The following IQCH variants were observed in gnomAD, a reference collection of about 807,000 sequenced individuals.
The protein encoded by IQCH is IQ domain-containing protein H.
IQCH carries 98 observed loss-of-function variants against 117.0 expected under a neutral mutation model. That is an observed-to-expected ratio of 0.84 (90% CI 0.71 to 0.99). IQCH has a LOEUF of 0.99. IQCH is among the 50% of genes least tolerant of loss of function. The pLI is 0.00. For missense variants in IQCH, 1,102 were observed against 1,243.8 expected (o/e 0.89, Z 1.72); for synonymous variants, 412 against 448.2 (o/e 0.92, Z 1.02).
At chr15:67,280,111 T>C (rs1428082206) in intron 4 of IQCH, among the ~76,000 whole-genome samples, 2 of 152,278 alleles carry the variant, frequency 1.3e-5, no homozygotes, top group Non-Finnish European at 2.9e-5. Context: ...TTGCTTTGTG[T>C]TCTAAGTTAG....
At chr15:67,469,820 A>G (rs1203090455) in intron 17 of IQCH, among the ~76,000 whole-genome samples, 1 of 152,172 alleles carries the variant, frequency 6.6e-6, no homozygotes, top group Non-Finnish European at 1.5e-5. Context: ...AGGTTAAGAG[A>G]TGTTAAGCAA....
rs916882153 is a variant in IQCH at position 67,436,446 on chromosome 15, T to G, written c.2505+14869T>G. ...ACTGCATCCCCTAGCAGCCCATTTC[T>G]GCCTGGCACCACAGGGATCCATCAG... On this transcript the variant is annotated intron_variant, in intron 16 of 20. Transcript: ENST00000335894. The surrounding 1 kb of genome is among the most constrained non-coding windows in gnomAD (Gnocchi z 5.1). Among the ~76,000 whole-genome samples the G allele has an allele frequency of 6.6e-6, 1 of 152,192 alleles. No individual in the cohort carries two copies. Among genetic ancestry groups the G allele is most frequent in the African/African-American group, 2.4e-5 (1 of 41,456 alleles).
intron 4 of IQCH, among the ~76,000 whole-genome samples, chr15:67,298,924 G>A (rs986246190): frequency 3.3e-5 from 5 of 151,970 alleles, no homozygotes; most frequent in East Asian, 1.9e-4. Context: ...TCCCATTTCC[G>A]AAAGAAAGGA....
intron 16 of IQCH, among the ~76,000 whole-genome samples, chr15:67,444,875 A>G (rs2082358397): frequency 6.6e-6 from 1 of 152,212 alleles, no homozygotes; most frequent in Non-Finnish European, 1.5e-5. Context: ...TTAAATATAT[A>G]GGCAATTACT....
chr15:67,492,098 A>ACT (rs1271882981), intron 19 of IQCH, among the ~76,000 whole-genome samples: 1 of 152,142 alleles, frequency 6.6e-6, no homozygotes, highest in Non-Finnish European at 1.5e-5. Context: ...GGCCACCGGG[A>ACT]ATTACCGGGA....
rs1346524030 is a variant in IQCH, at chr15:67,387,704, A to G, written c.1457-1127A>G. On this transcript the variant is annotated intron_variant, in intron 11 of 20. Coordinates refer to ENST00000335894, the MANE Select transcript of IQCH (RefSeq NM_001031715.3). The surrounding 1 kb of genome is among the most constrained non-coding windows in gnomAD (Gnocchi z 4.8). Reference sequence around the variant, plus strand: ...TACTATGTGCCAGATGCTGCACCAGATACTTTCTATATCTTCACTCATTTA... The same window carrying G: ...TACTATGTGCCAGATGCTGCACCAGGTACTTTCTATATCTTCACTCATTTA... 6.6e-6 allele frequency among the ~76,000 whole-genome samples: 1 copy of G among 152,186 alleles called. No individual in the cohort carries two copies. The highest frequency in any genetic ancestry group is 1.5e-5 in the Non-Finnish European group (1 of 68,036).
chr15:67,348,552 G>T (rs969626196), intron 6 of IQCH, among the ~76,000 whole-genome samples: 3 of 152,050 alleles, frequency 2.0e-5, no homozygotes, highest in African/African-American at 7.2e-5. Flanking sequence ...TAGGTATAAA[G>T]CTAACAAATA....
At chr15:67,362,129 AACAT>A (rs1339506235) in intron 8 of IQCH, among the ~76,000 whole-genome samples, 2 of 129,398 alleles carry the variant, frequency 1.5e-5, no homozygotes, top group East Asian at 2.2e-4. Flanking sequence ...ATATATATAT[AACAT>A]ACATATACGC....
chr15:67,489,914 C>T, intron 18 of IQCH, 89 bp from the exon 19 acceptor site: 1 of 915,916 alleles, frequency 1.1e-6, no homozygotes, highest in Non-Finnish European at 1.8e-6. Flanking sequence ...TCAAATCAAT[C>T]TTAGTAGTCT....
chr15:67,496,789 C>T lies in IQCH; in HGVS notation c.2970+2423C>T, dbSNP rs1362862137. Among the ~76,000 whole-genome samples the T allele has an allele frequency of 2.6e-5, 4 of 151,624 alleles. No homozygotes were observed. The highest frequency in any genetic ancestry group is 6.6e-5 in the Admixed American group (1 of 15,208). On this transcript the variant is annotated intron_variant, in intron 20 of 20. Transcript: ENST00000335894. This position sits in a 1 kb window ranked among gnomAD's most constrained non-coding sequence, Gnocchi z 4.4. Reference sequence around the variant, plus strand: ...ATCCCAGCACTTTGGGAGGCCGAGGCTGGTGGATCATGAGGTCAGGAGATC... The same window carrying T: ...ATCCCAGCACTTTGGGAGGCCGAGGTTGGTGGATCATGAGGTCAGGAGATC...
intron 4 of IQCH, among the ~76,000 whole-genome samples, chr15:67,292,271 G>C: frequency 6.6e-6 from 1 of 152,038 alleles, no homozygotes; most frequent in South Asian, 2.1e-4. Context: ...CTTTTTTTGA[G>C]ACAGGGTATT....
At chr15:67,320,020 G>A (rs924409881) in intron 4 of IQCH, among the ~76,000 whole-genome samples, 5 of 152,172 alleles carry the variant, frequency 3.3e-5, no homozygotes, top group Non-Finnish European at 5.9e-5. Context: ...TGAACTGTAA[G>A]CGCTCCTAGC....
intron 4 of IQCH, among the ~76,000 whole-genome samples, chr15:67,301,401 GTTTTT>G (rs10663973): frequency 2.7e-5 from 2 of 75,338 alleles, no homozygotes; most frequent in Non-Finnish European, 4.6e-5. Context: ...GTTATGTTAA[GTTTTT>G]TTTTTTTTTT....
rs2082010000 is a variant in IQCH, at chr15:67,431,126, A to G, written c.2505+9549A>G. ...GTGGGAAAGAGTGGTGGGAAAAAGC[A>G]CAGAACACATATGGATAAAAATGAT... On this transcript the variant is annotated intron_variant, in intron 16 of 20. Coordinates refer to ENST00000335894, the MANE Select transcript of IQCH (RefSeq NM_001031715.3). The surrounding 1 kb of genome is among the most constrained non-coding windows in gnomAD (Gnocchi z 4.8). Among the ~76,000 whole-genome samples, 1 of 151,866 alleles carries G rather than the reference A, an allele frequency of 6.6e-6. No homozygotes were observed. Among genetic ancestry groups the G allele is most frequent in the Admixed American group, 6.6e-5 (1 of 15,244 alleles).
At chr15:67,312,227 A>G (rs1465076031) in intron 4 of IQCH, among the ~76,000 whole-genome samples, 1 of 152,120 alleles carries the variant, frequency 6.6e-6, no homozygotes, top group Non-Finnish European at 1.5e-5. Flanking sequence ...TTCAATAGAC[A>G]GAGGGAACTG....
Position 67,443,800 on chromosome 15 carries a change from A to G in IQCH, c.2506-21327A>G, listed in dbSNP as rs935941998. Among the ~76,000 whole-genome samples, 3 of 152,228 alleles carry G rather than the reference A, an allele frequency of 2.0e-5. No homozygotes were observed. Among genetic ancestry groups the G allele is most frequent in the African/African-American group, 7.2e-5 (3 of 41,456 alleles). On this transcript the variant is annotated intron_variant, in intron 16 of 20. Transcript: ENST00000335894. This position sits in a 1 kb window ranked among gnomAD's most constrained non-coding sequence, Gnocchi z 5.0. ...GATGGCCAGAGTAATTACGAATGATAATATTAACTACTTACTGTATTTGTA... is the reference window on the plus strand; with the variant it reads ...GATGGCCAGAGTAATTACGAATGATGATATTAACTACTTACTGTATTTGTA...
chr15:67,395,989 A>T lies in IQCH; in HGVS notation c.1905+426A>T, dbSNP rs1971457925. ...CCAGCCTGAGGGAATCTACTTTAGA[A>T]CTTTGTGTTTTAAAGTATTTTCCTG... On this transcript the variant is annotated intron_variant, in intron 13 of 20. Transcript: ENST00000335894. The surrounding 1 kb of genome is among the most constrained non-coding windows in gnomAD (Gnocchi z 4.0). Among the ~76,000 whole-genome samples, 1 of 152,092 alleles carries T rather than the reference A, an allele frequency of 6.6e-6. No individual in the cohort carries two copies. The highest frequency in any genetic ancestry group is 6.6e-5 in the Admixed American group (1 of 15,254).
rs1226444708 is a variant in IQCH at position 67,359,739 on chromosome 15, C to T, written c.715-108C>T. 2 of 927,314 alleles carry T rather than the reference C, an allele frequency of 2.2e-6. No individual in the cohort carries two copies. The highest frequency in any genetic ancestry group is 3.3e-5 in the African/African-American group (2 of 61,140). 57.4% of individuals were successfully genotyped at this position (927,314 alleles called of 1,614,324 possible). On this transcript the variant is annotated intron_variant, in intron 7 of 20. Coordinates refer to ENST00000335894, the MANE Select transcript of IQCH (RefSeq NM_001031715.3). The surrounding 1 kb of genome is among the most constrained non-coding windows in gnomAD (Gnocchi z 4.5). The stretch of plus-strand genomic sequence containing the variant: ...CGTGGAAAGAGAGAACAGGCTGGCC[C>T]AGCGGGTAAAATGGGGAAGGGGGTG...
chr15:67,454,309 C>G lies in IQCH; in HGVS notation c.2506-10818C>G, dbSNP rs1379638289. Among the ~76,000 whole-genome samples the G allele has an allele frequency of 6.6e-6, 1 of 152,228 alleles. No individual in the cohort carries two copies. Among genetic ancestry groups the G allele is most frequent in the Non-Finnish European group, 1.5e-5 (1 of 68,040 alleles). Reference sequence around the variant, plus strand: ...AGTTGGAAATGCAGAAATCACCCGTCTTCTGCGTCGCTCACGCTGGGAGCT... The same window carrying G: ...AGTTGGAAATGCAGAAATCACCCGTGTTCTGCGTCGCTCACGCTGGGAGCT... On this transcript the variant is annotated intron_variant, in intron 16 of 20. Transcript: ENST00000335894. This position sits in a 1 kb window ranked among gnomAD's most constrained non-coding sequence, Gnocchi z 5.2.
Sources: gnomAD v4.1 joint callset for allele counts (sites outside exome capture counted in the v4.1 genomes callset) on GRCh38, gnomAD v4.1.1 for gene constraint, Gnocchi (gnomAD v3.1) non-coding constraint, MANE v1.5 for transcripts, NCBI Gene and HGNC (gene_info 2026-07-23, HGNC 2026-07-21) for gene names.